Variants in LRMDA observed in about 807,000 individuals in gnomAD.
LRMDA encodes leucine-rich melanocyte differentiation-associated protein.
LRMDA carries 18 observed loss-of-function variants against 29.8 expected under a neutral mutation model. That is an observed-to-expected ratio of 0.60 (90% CI 0.42 to 0.90). The LOEUF (loss-of-function observed/expected upper bound fraction) is 0.90. Ranked by LOEUF, LRMDA falls within the 40% of genes least tolerant of loss-of-function variation. The probability of loss-of-function intolerance (pLI) is 0.00; values close to 1 mark genes in which losing one functional copy is unlikely to be tolerated. For synonymous variants in LRMDA, 125 were observed against 109.4 expected, an observed-to-expected ratio of 1.14 and a Z score of -0.89; for missense variants, 273 against 273.9, an observed-to-expected ratio of 1.00 and a Z score of 0.02.
chr10:75,732,056 G>A (rs954444462), intron 2 of LRMDA, among the ~76,000 whole-genome samples: 4 of 152,084 alleles, frequency 2.6e-5, no homozygotes, highest in African/African-American at 7.2e-5. Context: ...TATTATTTAA[G>A]TTTTTTCCCC....
intron 6 of LRMDA, among the ~76,000 whole-genome samples, chr10:76,504,592 T>C (rs373763803): frequency 1.3e-5 from 2 of 152,114 alleles, no homozygotes; most frequent in Non-Finnish European, 2.9e-5. Context: ...TGTTTGTTGA[T>C]GTTTTAAAGT....
At position 75,707,023 on chromosome 10, in the gene LRMDA, A is replaced by G. The variant is rs148045180; in HGVS notation, c.131+268529A>G. ...CCTTCTGCATACCCCTCTTTATGCA[A>G]TTCTCTCAAGTCACAATACATAGTT... is the stretch of plus-strand genomic sequence containing the variant. On this transcript the variant is annotated intron_variant, in intron 2 of 6. Transcript: ENST00000611255. Among the ~76,000 whole-genome samples, 47 of 152,294 alleles carry G rather than the reference A, an allele frequency of 3.1e-4. No homozygotes were observed. In the East Asian group the frequency reaches 8.9e-3, roughly 29 times the overall value.
chr10:76,524,328 G>A (rs1259076519), intron 6 of LRMDA, among the ~76,000 whole-genome samples: 2 of 152,180 alleles, frequency 1.3e-5, no homozygotes, highest in Admixed American at 6.5e-5. Context: ...GAGACAAAGC[G>A]AGGATGGGAG....
chr10:75,438,543 C>T (rs1331786954), intron 2 of LRMDA, 49 bp downstream of exon 2: 28 of 1,421,708 alleles, frequency 2.0e-5, no homozygotes, highest in Non-Finnish European at 2.5e-5. Context: ...GCCCAGTCCT[C>T]CTGGGTACTT....
chr10:76,152,419 T>C (rs1195024685), intron 5 of LRMDA, among the ~76,000 whole-genome samples: 1 of 152,262 alleles, frequency 6.6e-6, no homozygotes, highest in African/African-American at 2.4e-5. Context: ...TATCCATTAA[T>C]CAGTTGATGG....
chr10:75,540,841 AAAAGT>A (rs1840007033), intron 2 of LRMDA, among the ~76,000 whole-genome samples: 1 of 152,186 alleles, frequency 6.6e-6, no homozygotes, highest in South Asian at 2.1e-4. Context: ...TATTGGCTAA[AAAAGT>A]AAAATAATTC....
chr10:75,467,764 C>G (rs1844672092), intron 2 of LRMDA, among the ~76,000 whole-genome samples: 1 of 152,064 alleles, frequency 6.6e-6, no homozygotes. Context: ...CGATTGAGAC[C>G]ATCCTGGCCA....
chr10:76,538,498 A>AAC (rs1488492796), intron 6 of LRMDA, among the ~76,000 whole-genome samples: 1 of 147,534 alleles, frequency 6.8e-6, no homozygotes, highest in African/African-American at 2.5e-5. Context: ...ATAGTTATAT[A>AAC]TGTATATATA....
chr10:76,190,060 C>T (rs1851218101), intron 5 of LRMDA, among the ~76,000 whole-genome samples: 1 of 152,150 alleles, frequency 6.6e-6, no homozygotes, highest in South Asian at 2.1e-4. Flanking sequence ...AAGGAAGAAG[C>T]AATCTTGGGG....
At chr10:76,317,500 A>T (rs559534871) in intron 5 of LRMDA, among the ~76,000 whole-genome samples, 1 of 152,300 alleles carries the variant, frequency 6.6e-6, no homozygotes, top group South Asian at 2.1e-4. Flanking sequence ...TAAATATTGT[A>T]AATTATAAGA....
intron 2 of LRMDA, among the ~76,000 whole-genome samples, chr10:75,479,672 A>G (rs1449233138): frequency 6.6e-6 from 1 of 152,182 alleles, no homozygotes; most frequent in Non-Finnish European, 1.5e-5. Flanking sequence ...GTGAAAAAGC[A>G]GGCAGCATCT....
At chr10:75,718,545 G>A (rs1842529276) in intron 2 of LRMDA, among the ~76,000 whole-genome samples, 1 of 152,222 alleles carries the variant, frequency 6.6e-6, no homozygotes, top group Non-Finnish European at 1.5e-5. Flanking sequence ...GAGCAGGAGA[G>A]TGAAGAATTG....
rs1481194510 is a variant in LRMDA at position 76,223,453 on chromosome 10, G to A, written c.517-100948G>A. Among the ~76,000 whole-genome samples, 4 of 152,252 alleles carry A rather than the reference G, an allele frequency of 2.6e-5. No individual in the cohort carries two copies. The East Asian group carries it at 5.8e-4, about 22-fold the overall frequency. ...GCTCCTACCTCTCTCTAATGGATGTGTCTATAATGTTATAGACTGAATCAT... is the reference window on the plus strand; with the variant it reads ...GCTCCTACCTCTCTCTAATGGATGTATCTATAATGTTATAGACTGAATCAT... On this transcript the variant is annotated intron_variant, in intron 5 of 6. Transcript: ENST00000611255.
chr10:75,739,951 T>G (rs1044187419), intron 2 of LRMDA, among the ~76,000 whole-genome samples: 1 of 152,210 alleles, frequency 6.6e-6, no homozygotes, highest in African/African-American at 2.4e-5. Flanking sequence ...ATGAGGTAGA[T>G]CGGTAACTTT....
At chr10:75,436,269 A>T (rs956609639) in intron 1 of LRMDA, among the ~76,000 whole-genome samples, 1 of 152,036 alleles carries the variant, frequency 6.6e-6, no homozygotes, top group East Asian at 1.9e-4. Context: ...TGTCTATTAG[A>T]TTTAGTCCTT....
At chr10:76,379,474 G>T (rs10762719) in intron 6 of LRMDA, among the ~76,000 whole-genome samples, 1 of 151,624 alleles carries the variant, frequency 6.6e-6, no homozygotes, top group Non-Finnish European at 1.5e-5. Context: ...TATATTTATC[G>T]ATTTCCTATA....
chr10:76,421,914 A>G (rs541501495), intron 6 of LRMDA, among the ~76,000 whole-genome samples: 1 of 152,322 alleles, frequency 6.6e-6, no homozygotes, highest in East Asian at 1.9e-4. Flanking sequence ...GAATAATGTT[A>G]TATTCCTTCA....
chr10:76,386,334 G>T (rs938744267), intron 6 of LRMDA, among the ~76,000 whole-genome samples: 12 of 152,186 alleles, frequency 7.9e-5, no homozygotes, highest in Non-Finnish European at 1.8e-4. Flanking sequence ...TTAAAGAAAA[G>T]ATTTAGACCC....
intron 2 of LRMDA, among the ~76,000 whole-genome samples, chr10:75,663,598 G>C (rs1304830239): frequency 6.6e-6 from 1 of 152,202 alleles, no homozygotes; most frequent in East Asian, 1.9e-4. Context: ...GACCTGAGCA[G>C]GGTGTCTGCC....
Sources: allele counts gnomAD v4.1 joint callset (sites outside exome capture counted in the v4.1 genomes callset), GRCh38; gene constraint gnomAD v4.1.1; transcripts MANE v1.5; gene names NCBI Gene and HGNC (gene_info 2026-07-23, HGNC 2026-07-21).